Variants in FBN1 observed in about 807,000 individuals in gnomAD.
FBN1 encodes fibrillin 1, also known as fibrillin-1.
Under a neutral mutation model 365.1 loss-of-function variants are expected in FBN1, and 29 were observed. That is an observed-to-expected ratio of 0.08 (90% CI 0.06 to 0.11). The LOEUF (loss-of-function observed/expected upper bound fraction) is 0.11. Ranked by LOEUF, FBN1 falls within the 10% of genes least tolerant of loss-of-function variation. The pLI is 1.00. For synonymous variants in FBN1, 1,210 were observed against 1,270.5 expected (o/e 0.95, Z 1.01); for missense variants, 2,476 against 3,703.2 (o/e 0.67, Z 8.60).
At chr15:48,487,946 A>G (rs753590904) in intron 27 of FBN1, among the ~76,000 whole-genome samples, 167 bp downstream of exon 27, 11 of 152,178 alleles carry the variant, frequency 7.2e-5, no homozygotes, top group Non-Finnish European at 1.2e-4. Flanking sequence ...AACCCACAGC[A>G]TGAATTCCCT....
chr15:48,634,410 G>A lies in FBN1; in HGVS notation c.164+10196C>T, dbSNP rs78285833. Among the ~76,000 whole-genome samples, 902 of 152,194 alleles carry A rather than the reference G, an allele frequency of 5.9e-3. 8 individuals carry two copies. The highest frequency in any genetic ancestry group is 0.021 in the African/African-American group (880 of 41,512). ...AAGAGGCTGATTAAGGCCACAGGTC[G>A]CCTGGTCCCAATGCTGCCGGGAGTG... On this transcript the variant is annotated intron_variant, in intron 2 of 65. Coordinates refer to ENST00000316623, the MANE Select transcript of FBN1 (RefSeq NM_000138.5).
intron 6 of FBN1, among the ~76,000 whole-genome samples, chr15:48,561,169 C>T (rs1013908439): frequency 1.3e-5 from 2 of 152,130 alleles, no homozygotes; most frequent in African/African-American, 4.8e-5. Flanking sequence ...AATGACTTGT[C>T]TTTTCAAGCC....
chr15:48,542,952 C>A (rs1194547694), intron 6 of FBN1, among the ~76,000 whole-genome samples: 1 of 152,118 alleles, frequency 6.6e-6, no homozygotes, highest in African/African-American at 2.4e-5. Context: ...CATAAGCCAG[C>A]CCATAAACTG....
At chr15:48,420,410 C>T (rs949949481) in intron 63 of FBN1, among the ~76,000 whole-genome samples, 4 of 152,182 alleles carry the variant, frequency 2.6e-5, no homozygotes, top group Admixed American at 6.5e-5. Context: ...GGGCTGATGA[C>T]TAGCAGTGCA....
At chr15:48,522,330 T>C (rs2043865468) in intron 9 of FBN1, among the ~76,000 whole-genome samples, 1 of 152,080 alleles carries the variant, frequency 6.6e-6, no homozygotes, top group Non-Finnish European at 1.5e-5. Flanking sequence ...TTAATTTAAT[T>C]AATTTAATAT....
At chr15:48,597,678 C>A (rs1034364967) in intron 5 of FBN1, among the ~76,000 whole-genome samples, 2 of 152,234 alleles carry the variant, frequency 1.3e-5, no homozygotes, top group Admixed American at 6.5e-5. Context: ...ACTGACACAA[C>A]CCTTTTTAAC....
chr15:48,497,134 G>C, intron 19 of FBN1, 132 bp downstream of exon 19: 1 of 1,004,804 alleles, frequency 1.0e-6, no homozygotes, highest in East Asian at 2.4e-5. Context: ...TGTATATGCT[G>C]TGCTAACATC....
Position 48,503,887 on chromosome 15 carries a change from G to C in FBN1, c.2013C>G (p.Ile671Met). The stretch of plus-strand genomic sequence containing the variant: ...TAGTGACAGCACCAAACAAAGGTTT[G>C]ATACACTGGCCTCTCTTGTATCCAC... ...CYGGYKRGQC[I>M]KPLFGAVTKS... The change falls in exon 17 of 66, where the codon ATC (isoleucine) becomes ATG (methionine). Residue 671 changes from isoleucine (I) to methionine (M), a missense_variant. Ile to Met is a conservative substitution (Grantham distance 10, BLOSUM62 1). This residue lies in a region of FBN1 where 1,780 missense variants were observed against 2,840.8 expected (regional missense o/e 0.63). Transcript: ENST00000316623. 1 of 1,614,176 alleles carries C rather than the reference G, an allele frequency of 6.2e-7. No homozygotes were observed. Among genetic ancestry groups the C allele is most frequent in the Non-Finnish European group, 8.5e-7 (1 of 1,180,024 alleles).
rs116833750 is a variant in FBN1, at chr15:48,441,463, T to G, written c.6163+258A>C. On this transcript the variant is annotated intron_variant, in intron 50 of 65. Transcript: ENST00000316623. ...AGGTGTTTCCCCACTGATGGGCCTATCAGCATTTGTGTTCTTAGTGGGAGA... is the reference window on the plus strand; with the variant it reads ...AGGTGTTTCCCCACTGATGGGCCTAGCAGCATTTGTGTTCTTAGTGGGAGA... Among the ~76,000 whole-genome samples the G allele has an allele frequency of 7.8e-3, 1,189 of 152,306 alleles. 11 individuals are homozygous for G. Among genetic ancestry groups the G allele is most frequent in the African/African-American group, 0.027 (1,128 of 41,556 alleles).
In FBN1 at chr15:48,644,617, G is replaced by T. The variant is rs1057524406; in HGVS notation, c.153C>A (p.Asp51Glu). 2 of 1,614,120 alleles carry T rather than the reference G, an allele frequency of 1.2e-6. No individual in the cohort carries two copies. Among genetic ancestry groups the T allele is most frequent in the Non-Finnish European group, 8.5e-7 (1 of 1,180,012 alleles). ...ACCGGTTCCTTTACCCTTTAAGCGCGTCGTGTCCTCCACCGCCTCTTCTCT... is the reference window on the plus strand; with the variant it reads ...ACCGGTTCCTTTACCCTTTAAGCGCTTCGTGTCCTCCACCGCCTCTTCTCT... ...RAKRRGGGGH[D>E]ALKGPNVCGS... The change falls in exon 2 of 66, where the codon GAC becomes GAA. Residue 51 changes from aspartate (D) to glutamate (E), a missense_variant. By Grantham distance (45) the Asp-to-Glu change is conservative. Transcript: ENST00000316623.
At chr15:48,467,797 T>C (rs994539505) in intron 38 of FBN1, 141 bp downstream of exon 38, 8 of 730,258 alleles carry the variant, frequency 1.1e-5, no homozygotes, top group African/African-American at 2.6e-5. Flanking sequence ...GACTCTCGAA[T>C]TGGGAATAAG....
At chr15:48,471,339 TA>T (rs1193069570) in intron 35 of FBN1, among the ~76,000 whole-genome samples, 2 of 152,206 alleles carry the variant, frequency 1.3e-5, no homozygotes, top group East Asian at 3.9e-4. Flanking sequence ...AGACTAGCTT[TA>T]AATAGCCATG....
intron 4 of FBN1, among the ~76,000 whole-genome samples, chr15:48,603,949 T>C (rs889045643): frequency 2.0e-5 from 3 of 152,178 alleles, no homozygotes; most frequent in Admixed American, 6.5e-5. Flanking sequence ...CCATAAAAGA[T>C]CCCAAATTAA....
At chr15:48,545,492 G>A (rs1325029571) in intron 6 of FBN1, among the ~76,000 whole-genome samples, 1 of 152,116 alleles carries the variant, frequency 6.6e-6, no homozygotes, top group Non-Finnish European at 1.5e-5. Context: ...CGATTGCAGT[G>A]CACTAATATG....
intron 33 of FBN1, 46 bp downstream of exon 33, chr15:48,474,482 A>G (rs371947479): frequency 6.2e-7 from 1 of 1,613,990 alleles, no homozygotes; most frequent in Non-Finnish European, 8.5e-7. Flanking sequence ...CATATGTGTA[A>G]TCTATGCAGT....
chr15:48,466,365 T>G (rs1395823571), intron 38 of FBN1, among the ~76,000 whole-genome samples: 1 of 152,236 alleles, frequency 6.6e-6, no homozygotes, highest in Admixed American at 6.5e-5. Context: ...TTCTTGCACC[T>G]CTGTTTCTAT....
rs371986991 is a variant in FBN1 at position 48,481,643 on chromosome 15, G to C, written c.3964+12C>G. 4.3e-6 allele frequency: 7 copies of C among 1,613,114 alleles called. No individual in the cohort carries two copies. In the Admixed American group the frequency reaches 5.0e-5, roughly 12 times the overall value. On this transcript the variant is annotated intron_variant, in intron 32 of 65. Coordinates refer to ENST00000316623, the MANE Select transcript of FBN1 (RefSeq NM_000138.5). ...TACTTAATATTTTATTGTTCTACTTGAACAAACACACCTGTACAGCCAGTT... is the reference window on the plus strand; with the variant it reads ...TACTTAATATTTTATTGTTCTACTTCAACAAACACACCTGTACAGCCAGTT...
At chr15:48,467,678 T>G (rs1186035695) in intron 38 of FBN1, among the ~76,000 whole-genome samples, 1 of 152,228 alleles carries the variant, frequency 6.6e-6, no homozygotes, top group Non-Finnish European at 1.5e-5. Context: ...GAAAGTACCC[T>G]AGTCTGGAAA....
At position 48,444,561 on chromosome 15, in the gene FBN1, A is replaced by G. The variant is rs772214666; in HGVS notation, c.6017T>C (p.Leu2006Pro). 1 of 1,613,566 alleles carries G rather than the reference A, an allele frequency of 6.2e-7. No individual in the cohort carries two copies. The highest frequency in any genetic ancestry group is 1.7e-5 in the Admixed American group (1 of 59,952). ...CCTACCTTCACACTTCTCATTTTGA[A>G]GACTGTATCCAGGTGGGCAAATGCA... ...YRCICPPGYS[L>P]QNEKCEDIDE... is the part of the protein sequence containing the mutation. Residue 2006 changes from leucine to proline, a missense_variant, in exon 49 of 66, where the codon CTT (leucine) becomes CCT (proline). Leu to Pro is a moderately conservative substitution (Grantham distance 98, BLOSUM62 -3). Transcript: ENST00000316623.
Sources: gnomAD v4.1 joint callset for allele counts (sites outside exome capture counted in the v4.1 genomes callset) on GRCh38, gnomAD v4.1.1 for gene constraint, gnomAD v4.1.1 regional missense constraint, MANE v1.5 for transcripts, NCBI Gene and HGNC (gene_info 2026-07-23, HGNC 2026-07-21) for gene names.